The following NCKAP5 variants were observed in gnomAD, a reference collection of about 807,000 sequenced individuals.
The protein encoded by NCKAP5 is nck-associated protein 5.
A neutral mutation model predicts 167.0 loss-of-function variants in NCKAP5; 92 were observed. That is an observed-to-expected ratio of 0.55 (90% CI 0.47 to 0.66). The LOEUF (loss-of-function observed/expected upper bound fraction) is 0.66, where lower values mean the gene tolerates loss of function less well. Among genes scored for constraint, NCKAP5 ranks in the 30% least tolerant of loss-of-function variants. The pLI, the probability that NCKAP5 is intolerant of heterozygous loss-of-function variation, is 0.00. For synonymous variants in NCKAP5, 891 were observed against 877.4 expected (o/e 1.02, Z -0.27); for missense variants, 2,378 against 2,315.0 (o/e 1.03, Z -0.56).
chr2:133,066,344 C>CT (rs973507676), intron 6 of NCKAP5, among the ~76,000 whole-genome samples: 13 of 152,252 alleles, frequency 8.5e-5, no homozygotes, highest in African/African-American at 2.6e-4. Context: ...AACCCGTCTT[C>CT]TTTTTTACCC....
At chr2:132,857,571 T>C (rs1689569410) in intron 11 of NCKAP5, among the ~76,000 whole-genome samples, 1 of 152,216 alleles carries the variant, frequency 6.6e-6, no homozygotes, top group South Asian at 2.1e-4. Context: ...TAGGTTCAAA[T>C]GAGCTTAGTT....
the NCKAP5 span, among the ~76,000 whole-genome samples, chr2:133,660,097 C>T: frequency 6.6e-6 from 1 of 152,196 alleles, no homozygotes; most frequent in Admixed American, 6.5e-5. Context: ...CTATTTCTCA[C>T]AGGAGCTGTA....
chr2:133,523,992 G>A (rs1684676958), intron 2 of NCKAP5, among the ~76,000 whole-genome samples: 1 of 152,122 alleles, frequency 6.6e-6, no homozygotes, highest in Non-Finnish European at 1.5e-5. Context: ...AGGGATCAGA[G>A]TAAAAACAGC....
chr2:133,458,843 T>A (rs1359767026), intron 3 of NCKAP5, among the ~76,000 whole-genome samples: 1 of 152,166 alleles, frequency 6.6e-6, no homozygotes, highest in Non-Finnish European at 1.5e-5. Flanking sequence ...ATCAATGTTG[T>A]CAAATTGAGA....
chr2:133,541,652 TTAA>T (rs1558768063), intron 2 of NCKAP5, among the ~76,000 whole-genome samples: 1 of 152,026 alleles, frequency 6.6e-6, no homozygotes, highest in Non-Finnish European at 1.5e-5. Context: ...TGGTAGACAG[TTAA>T]TAATTTTTTG....
chr2:133,218,623 CT>C (rs1399236265), intron 4 of NCKAP5, among the ~76,000 whole-genome samples: 12 of 152,158 alleles, frequency 7.9e-5, no homozygotes, highest in African/African-American at 2.9e-4. Flanking sequence ...AATCCTCATT[CT>C]TAATTGTTGA....
At chr2:132,805,161 CT>C (rs1167699049) in intron 11 of NCKAP5, among the ~76,000 whole-genome samples, 4 of 152,170 alleles carry the variant, frequency 2.6e-5, no homozygotes, top group African/African-American at 7.2e-5. Flanking sequence ...CTTTTTAGCA[CT>C]AAGTGTGTGT....
intron 11 of NCKAP5, among the ~76,000 whole-genome samples, chr2:132,822,774 G>A (rs975555921): frequency 8.5e-5 from 13 of 152,112 alleles, no homozygotes; most frequent in Admixed American, 4.6e-4. Flanking sequence ...GGAGATACAA[G>A]AGAAAGGTGA....
chr2:133,545,195 T>C (rs926781677), intron 2 of NCKAP5, among the ~76,000 whole-genome samples: 2 of 152,230 alleles, frequency 1.3e-5, no homozygotes, highest in Non-Finnish European at 1.5e-5. Context: ...TTTCTTCATC[T>C]ATTTTTCTTC....
chr2:133,472,840 A>G (rs978368456), intron 3 of NCKAP5, among the ~76,000 whole-genome samples: 3 of 152,102 alleles, frequency 2.0e-5, no homozygotes, highest in African/African-American at 4.8e-5. Context: ...TCCGTATCCA[A>G]TAGGCATCAA....
At chr2:133,019,459 C>A (rs1397169749) in intron 6 of NCKAP5, among the ~76,000 whole-genome samples, 6 of 152,086 alleles carry the variant, frequency 3.9e-5, no homozygotes, top group African/African-American at 4.8e-5. Flanking sequence ...CAGGGCCTGG[C>A]CTGCAGAGGA....
chr2:132,748,932 T>C (rs193000365), intron 16 of NCKAP5, among the ~76,000 whole-genome samples: 2,469 of 151,990 alleles, frequency 0.016, 28 homozygotes, highest in Middle Eastern at 0.048. Flanking sequence ...TACAGTTGCA[T>C]GCCACCACAC....
chr2:132,823,337 A>C (rs1209195983), intron 11 of NCKAP5, among the ~76,000 whole-genome samples: 1 of 152,206 alleles, frequency 6.6e-6, no homozygotes, highest in Non-Finnish European at 1.5e-5. Flanking sequence ...AACCTATCAA[A>C]TTAACAGCAG....
chr2:133,586,370 G>A, the NCKAP5 span, among the ~76,000 whole-genome samples: 385 of 152,180 alleles, frequency 2.5e-3, 1 homozygote, highest in Admixed American at 4.8e-3. Context: ...TGTACTTGAC[G>A]TTGAGATTGA....
At chr2:133,374,877 T>C (rs1000667537) in intron 3 of NCKAP5, among the ~76,000 whole-genome samples, 9 of 152,206 alleles carry the variant, frequency 5.9e-5, no homozygotes, top group Non-Finnish European at 1.3e-4. Flanking sequence ...AAGCACTCAC[T>C]AAACTTTCTG....
intron 3 of NCKAP5, among the ~76,000 whole-genome samples, chr2:133,403,371 G>A (rs1218666088): frequency 6.6e-6 from 1 of 152,192 alleles, no homozygotes; most frequent in Non-Finnish European, 1.5e-5. Flanking sequence ...CCTCATAAGA[G>A]TAAAGTAAAT....
chr2:132,732,213 G>A (rs1384695220), intron 16 of NCKAP5, among the ~76,000 whole-genome samples, 162 bp from the exon 17 acceptor site: 1 of 150,330 alleles, frequency 6.7e-6, no homozygotes, highest in Non-Finnish European at 1.5e-5. Flanking sequence ...AACACCGCTT[G>A]TTCTCACTCA....
chr2:133,003,119 T>C (rs1390005168), intron 6 of NCKAP5, among the ~76,000 whole-genome samples: 1 of 152,228 alleles, frequency 6.6e-6, no homozygotes, highest in African/African-American at 2.4e-5. Context: ...AGGTTCTAGA[T>C]TCAATCCCTA....
At chr2:132,849,009 G>T (rs1322858047) in intron 11 of NCKAP5, among the ~76,000 whole-genome samples, 2 of 152,154 alleles carry the variant, frequency 1.3e-5, no homozygotes, top group Non-Finnish European at 2.9e-5. Flanking sequence ...GAAAGTGTCC[G>T]ATGCAATGTG....
Sources: allele counts gnomAD v4.1 joint callset (sites outside exome capture counted in the v4.1 genomes callset), GRCh38; gene constraint gnomAD v4.1.1; transcripts MANE v1.5; gene names NCBI Gene and HGNC (gene_info 2026-07-23, HGNC 2026-07-21).